The following PRKN variants were observed in gnomAD, a reference collection of about 807,000 sequenced individuals.
The protein encoded by PRKN is parkin RBR E3 ubiquitin protein ligase.
A neutral mutation model predicts 59.5 loss-of-function variants in PRKN; 56 were observed. The ratio of observed to expected loss-of-function variants is 0.94; its 90% CI spans 0.76 to 1.18. PRKN has a LOEUF of 1.18. PRKN is among the 50% of genes most tolerant of loss of function. PRKN has a pLI of 0.00. For synonymous variants in PRKN, 250 were observed against 222.1 expected, an observed-to-expected ratio of 1.13 and a Z score of -1.12; for missense variants, 657 against 596.4, an observed-to-expected ratio of 1.10 and a Z score of -1.06.
Position 162,294,270 on chromosome 6 carries a change from C to T in PRKN, c.172-31505G>A, listed in dbSNP as rs9458500. Among the ~76,000 whole-genome samples the T allele has an allele frequency of 7.6e-3, 1,163 of 152,184 alleles. 13 individuals are homozygous for T. The highest frequency in any genetic ancestry group is 0.011 in the Non-Finnish European group (760 of 68,016). ...CTCTGTTTCCTGGCCCCATTCTCCT[C>T]CTTCCTACACCCTTTCAAGCTTCCT... On this transcript the variant is annotated intron_variant, in intron 2 of 11. Transcript: ENST00000366898.
intron 4 of PRKN, among the ~76,000 whole-genome samples, chr6:162,154,526 A>G (rs968401528): frequency 4.9e-4 from 3 of 6,084 alleles, no homozygotes; most frequent in South Asian, 0.013. Context: ...CAAAAGGAGA[A>G]AAAAAAAAAA....
intron 4 of PRKN, among the ~76,000 whole-genome samples, chr6:162,123,863 T>C (rs1032637899): frequency 2.6e-5 from 4 of 152,172 alleles, no homozygotes; most frequent in Non-Finnish European, 5.9e-5. Flanking sequence ...CTCTAATGTT[T>C]TGACATTAAA....
chr6:162,342,047 ACTCTTGCATGG>A (rs1271716261), intron 2 of PRKN, among the ~76,000 whole-genome samples: 1 of 151,852 alleles, frequency 6.6e-6, no homozygotes, highest in African/African-American at 2.4e-5. Context: ...TGGTATAGTG[ACTCTTGCATGG>A]CTCTTCCATC....
chr6:161,899,115 T>C (rs1777781093), intron 6 of PRKN, among the ~76,000 whole-genome samples: 1 of 152,228 alleles, frequency 6.6e-6, no homozygotes, highest in Non-Finnish European at 1.5e-5. Context: ...CCCGCAGCTA[T>C]GTCAGCGTGG....
chr6:161,862,350 G>A (rs1562344785), intron 6 of PRKN, among the ~76,000 whole-genome samples: 1 of 152,276 alleles, frequency 6.6e-6, no homozygotes, highest in East Asian at 1.9e-4. Context: ...AATTGTTCTA[G>A]CCTTGGCAAC....
Position 161,410,522 on chromosome 6 carries a change from C to T in PRKN, c.1084-23645G>A, listed in dbSNP as rs1342989964. On this transcript the variant is annotated intron_variant, in intron 9 of 11. Coordinates refer to ENST00000366898, the MANE Select transcript of PRKN (RefSeq NM_004562.3). The surrounding 1 kb of genome is among the most constrained non-coding windows in gnomAD (Gnocchi z 5.3). ...ACAGCAAGCTCTTGGTCCCCTAAGGCCCTGCTCCTGGCAGATACTCTAAGG... is the reference window on the plus strand; with the variant it reads ...ACAGCAAGCTCTTGGTCCCCTAAGGTCCTGCTCCTGGCAGATACTCTAAGG... 2.0e-5 allele frequency among the ~76,000 whole-genome samples: 3 copies of T among 152,154 alleles called. No homozygotes were observed. The highest frequency in any genetic ancestry group is 4.4e-5 in the Non-Finnish European group (3 of 68,040).
intron 9 of PRKN, among the ~76,000 whole-genome samples, chr6:161,490,186 C>A (rs1233564938): frequency 6.6e-6 from 1 of 152,176 alleles, no homozygotes. Flanking sequence ...TATCCCTGGT[C>A]ACAAAGGCTT....
In PRKN at chr6:161,582,124, G is replaced by A. The variant is rs1258896376; in HGVS notation, c.872-12708C>T. On this transcript the variant is annotated intron_variant, in intron 7 of 11. Transcript: ENST00000366898. This position sits in a 1 kb window ranked among gnomAD's most constrained non-coding sequence, Gnocchi z 4.4. The stretch of plus-strand genomic sequence containing the variant: ...TTCATCTACTGGTTTTTACCAAAGT[G>A]TAAAGTGCATTTTCTAAATGGCTCT... Among the ~76,000 whole-genome samples, 1 of 152,192 alleles carries A rather than the reference G, an allele frequency of 6.6e-6. No individual in the cohort carries two copies. Among genetic ancestry groups the A allele is most frequent in the Non-Finnish European group, 1.5e-5 (1 of 68,034 alleles).
intron 5 of PRKN, among the ~76,000 whole-genome samples, chr6:162,048,879 G>A (rs1397848477): frequency 6.6e-6 from 1 of 152,140 alleles, no homozygotes; most frequent in Non-Finnish European, 1.5e-5. Flanking sequence ...AATAACTAAA[G>A]TCTTATGCCA....
At chr6:161,537,746 C>A (rs890717989) in intron 9 of PRKN, among the ~76,000 whole-genome samples, 1 of 152,166 alleles carries the variant, frequency 6.6e-6, no homozygotes, top group African/African-American at 2.4e-5. Context: ...CCACTGCGCC[C>A]GGCCTCAAAT....
intron 7 of PRKN, among the ~76,000 whole-genome samples, chr6:161,754,623 G>A (rs566028296): frequency 3.2e-4 from 49 of 152,238 alleles, no homozygotes; most frequent in Admixed American, 2.9e-3. Context: ...CCATGGTCAG[G>A]TCACAGGCCC....
intron 2 of PRKN, chr6:162,264,638 C>CCCCATT: frequency 6.5e-6 from 1 of 152,764 alleles, no homozygotes; most frequent in South Asian, 2.1e-4. Flanking sequence ...CTGTGCCCCT[C>CCCCATT]CCCATTCTCA....
intron 7 of PRKN, among the ~76,000 whole-genome samples, chr6:161,631,034 G>A (rs1394971404): frequency 1.3e-5 from 2 of 152,264 alleles, no homozygotes; most frequent in East Asian, 3.8e-4. Flanking sequence ...TTTCTAGGCA[G>A]GCTGCTCCTG....
intron 1 of PRKN, among the ~76,000 whole-genome samples, chr6:162,482,505 T>C (rs1792353661): frequency 6.6e-6 from 1 of 152,138 alleles, no homozygotes; most frequent in Non-Finnish European, 1.5e-5. Context: ...TGAGAGTGCA[T>C]CAGGGGTTAA....
intron 8 of PRKN, among the ~76,000 whole-genome samples, chr6:161,555,353 T>A (rs1334204208): frequency 1.3e-5 from 2 of 152,236 alleles, no homozygotes. Context: ...TGCATCATTT[T>A]AATAGCCCTG....
chr6:162,531,729 A>C (rs1778523436), intron 1 of PRKN, among the ~76,000 whole-genome samples: 2 of 152,130 alleles, frequency 1.3e-5, no homozygotes, highest in African/African-American at 4.8e-5. Context: ...GTAATTTCTA[A>C]TCTTGTCGCT....
intron 9 of PRKN, among the ~76,000 whole-genome samples, chr6:161,543,941 A>G (rs1779706892): frequency 6.6e-6 from 1 of 152,234 alleles, no homozygotes; most frequent in Admixed American, 6.5e-5. Context: ...GTTCTGATGA[A>G]TAGCAATAAG....
chr6:162,291,526 G>A (rs1475215596), intron 2 of PRKN, among the ~76,000 whole-genome samples: 1 of 152,052 alleles, frequency 6.6e-6, no homozygotes, highest in Admixed American at 6.6e-5. Flanking sequence ...CTTCACGGGA[G>A]GGTGTCAGGG....
intron 4 of PRKN, among the ~76,000 whole-genome samples, chr6:162,120,135 G>A (rs919836271): frequency 6.6e-6 from 1 of 151,994 alleles, no homozygotes; most frequent in Non-Finnish European, 1.5e-5. Context: ...CTCCCACATC[G>A]ACGAGTAACT....
Sources: allele counts gnomAD v4.1 joint callset (sites outside exome capture counted in the v4.1 genomes callset), GRCh38; gene constraint gnomAD v4.1.1; non-coding constraint Gnocchi (gnomAD v3.1); transcripts MANE v1.5; gene names NCBI Gene and HGNC (gene_info 2026-07-23, HGNC 2026-07-21).